SVOP: variants seen among roughly 807,000 people sequenced by gnomAD.
The protein encoded by SVOP is synaptic vesicle 2-related protein.
SVOP carries 17 observed loss-of-function variants against 69.1 expected under a neutral mutation model. That is an observed-to-expected ratio of 0.25 (90% CI 0.17 to 0.37). The LOEUF (loss-of-function observed/expected upper bound fraction) is 0.37, where lower values mean the gene tolerates loss of function less well. Among genes scored for constraint, SVOP ranks in the 10% least tolerant of loss-of-function variants. SVOP has a pLI of 1.00. For synonymous variants in SVOP, 238 were observed against 238.6 expected (o/e 1.00, Z 0.02); for missense variants, 435 against 597.5 (o/e 0.73, Z 2.84).
At chr12:109,003,634 G>C (rs2040287279) in intron 1 of SVOP, among the ~76,000 whole-genome samples, 1 of 152,084 alleles carries the variant, frequency 6.6e-6, no homozygotes, top group Non-Finnish European at 1.5e-5. Context: ...TTTGAGACAT[G>C]GTCTTGCTCT....
At position 108,938,730 on chromosome 12, in the gene SVOP, CAT is replaced by C. The variant is rs911465900; in HGVS notation, c.897+95_897+96del. 55 of 1,565,862 alleles carry C rather than the reference CAT, an allele frequency of 3.5e-5. No individual in the cohort carries two copies. In the African/African-American group the frequency reaches 6.7e-4, roughly 19 times the overall value. On this transcript the variant is annotated intron_variant, in intron 9 of 15. Coordinates refer to ENST00000610966, the MANE Select transcript of SVOP (RefSeq NM_018711.5). ...ACCCCACCTTGGGTACACATACCCA[CAT>C]GTGTCCTCGCATGCATGCCCTACTC...
chr12:108,931,094 C>T (rs2039814990), intron 11 of SVOP, among the ~76,000 whole-genome samples: 1 of 152,190 alleles, frequency 6.6e-6, no homozygotes, highest in African/African-American at 2.4e-5. Context: ...AATCTGTGCT[C>T]AGTCAATACC....
At chr12:108,981,971 T>C (rs1192525124) in intron 2 of SVOP, among the ~76,000 whole-genome samples, 1 of 151,062 alleles carries the variant, frequency 6.6e-6, no homozygotes, top group East Asian at 2.0e-4. Flanking sequence ...TTCATCATCA[T>C]CACCACCATC....
At chr12:108,920,881 G>A (rs1366958342) in intron 12 of SVOP, among the ~76,000 whole-genome samples, 1 of 152,100 alleles carries the variant, frequency 6.6e-6, no homozygotes, top group Non-Finnish European at 1.5e-5. Flanking sequence ...ACAGGCATGA[G>A]CCACCATGCC....
chr12:108,958,904 G>A (rs1487396522), intron 6 of SVOP, among the ~76,000 whole-genome samples: 6 of 152,130 alleles, frequency 3.9e-5, no homozygotes, highest in East Asian at 1.9e-4. Flanking sequence ...CTGACCAGAG[G>A]CCTCTGTGGC....
At chr12:108,928,568 ATT>A (rs58720673) in intron 11 of SVOP, among the ~76,000 whole-genome samples, 17 of 142,798 alleles carry the variant, frequency 1.2e-4, no homozygotes, top group Admixed American at 8.3e-4. Flanking sequence ...GGATTTTCTG[ATT>A]TTTTTTTTTT....
At chr12:108,931,434 C>T (rs986413945) in intron 11 of SVOP, among the ~76,000 whole-genome samples, 16 of 152,174 alleles carry the variant, frequency 1.1e-4, no homozygotes, top group Non-Finnish European at 2.2e-4. Context: ...CAGAGGTTCC[C>T]ACCTCCAGCT....
chr12:108,940,205 C>G (rs893673956), intron 8 of SVOP, among the ~76,000 whole-genome samples: 1 of 152,108 alleles, frequency 6.6e-6, no homozygotes, highest in African/African-American at 2.4e-5. Context: ...TTATCATTAC[C>G]AGGAATTTTT....
intron 7 of SVOP, among the ~76,000 whole-genome samples, chr12:108,944,856 A>T (rs966803689): frequency 3.9e-5 from 6 of 152,180 alleles, no homozygotes; most frequent in African/African-American, 1.4e-4. Flanking sequence ...ATACCCTTCC[A>T]TACCCTTGCC....
intron 1 of SVOP, among the ~76,000 whole-genome samples, chr12:108,984,081 A>C (rs1362500079): frequency 6.6e-6 from 1 of 152,194 alleles, no homozygotes; most frequent in Non-Finnish European, 1.5e-5. Flanking sequence ...CATTTGTTTC[A>C]GATTTTAGAC....
At chr12:108,985,378 A>G (rs2040161287) in intron 1 of SVOP, among the ~76,000 whole-genome samples, 1 of 151,992 alleles carries the variant, frequency 6.6e-6, no homozygotes, top group African/African-American at 2.4e-5. Context: ...GAAAAGGAAA[A>G]TAAAAAAGTC....
rs1017132409 is a variant in SVOP, at chr12:109,010,143, AT to A, written c.35+10690del. Among the ~76,000 whole-genome samples the A allele has an allele frequency of 1.7e-4, 25 of 149,564 alleles. 1 individual carries two copies. Among genetic ancestry groups the A allele is most frequent in the Middle Eastern group, 3.5e-3 (1 of 288 alleles). ...TCTCTCTCTCAAAAAAAAAAAAAAA[AT>A]TTTTTTTTAATTAAATAAATAAGTT... On this transcript the variant is annotated intron_variant, in intron 1 of 15. Coordinates refer to ENST00000610966, the MANE Select transcript of SVOP (RefSeq NM_018711.5).
At chr12:108,913,133 G>C (rs141650151) in intron 15 of SVOP, among the ~76,000 whole-genome samples, 1 of 151,870 alleles carries the variant, frequency 6.6e-6, no homozygotes, top group East Asian at 1.9e-4. Flanking sequence ...GTGCAATGGC[G>C]CAATCTTGGC....
chr12:109,010,453 C>A (rs1357585313), intron 1 of SVOP, among the ~76,000 whole-genome samples: 2 of 152,174 alleles, frequency 1.3e-5, no homozygotes, highest in African/African-American at 4.8e-5. Context: ...CCAAGGCCAC[C>A]CAAACAATGG....
chr12:109,003,979 G>C (rs1265427295), intron 1 of SVOP, among the ~76,000 whole-genome samples: 1 of 152,104 alleles, frequency 6.6e-6, no homozygotes. Flanking sequence ...GGGCACCTTT[G>C]TTTATTAAAG....
At chr12:108,934,684 C>T (rs555037093) in intron 10 of SVOP, among the ~76,000 whole-genome samples, 71 of 152,314 alleles carry the variant, frequency 4.7e-4, no homozygotes, top group African/African-American at 1.6e-3. Context: ...AAGAAGCCAG[C>T]TATGAATCCA....
At chr12:108,963,643 T>C (rs2040029220) in intron 5 of SVOP, among the ~76,000 whole-genome samples, 1 of 152,128 alleles carries the variant, frequency 6.6e-6, no homozygotes, top group Admixed American at 6.6e-5. Flanking sequence ...TGCACCACCA[T>C]GGCCAGCTAA....
intron 1 of SVOP, among the ~76,000 whole-genome samples, chr12:109,009,570 G>C (rs1365416932): frequency 6.6e-6 from 1 of 151,788 alleles, no homozygotes; most frequent in East Asian, 1.9e-4. Flanking sequence ...CCGCCACCAC[G>C]CCCAGCTAAT....
At chr12:108,992,874 A>G (rs2040210256) in intron 1 of SVOP, among the ~76,000 whole-genome samples, 1 of 152,010 alleles carries the variant, frequency 6.6e-6, no homozygotes, top group Non-Finnish European at 1.5e-5. Context: ...GTTAAGATGG[A>G]AAAAAATAAA....
Sources: gnomAD v4.1 joint callset for allele counts (sites outside exome capture counted in the v4.1 genomes callset) on GRCh38, gnomAD v4.1.1 for gene constraint, MANE v1.5 for transcripts, NCBI Gene and HGNC (gene_info 2026-07-23, HGNC 2026-07-21) for gene names.